The following SCOC variants were observed in gnomAD, a reference collection of about 807,000 sequenced individuals.
The protein encoded by SCOC is short coiled-coil protein.
SCOC carries 7 observed loss-of-function variants against 9.9 expected under a neutral mutation model. The observed-to-expected ratio is 0.71, with a 90% CI of 0.40 to 1.33. SCOC has a LOEUF of 1.33. Ranked by LOEUF, SCOC falls within the 40% of genes most tolerant of loss-of-function variation. SCOC has a pLI of 0.01. For synonymous variants in SCOC, 19 were observed against 28.2 expected, an observed-to-expected ratio of 0.67 and a Z score of 1.03; for missense variants, 66 against 89.7, an observed-to-expected ratio of 0.74 and a Z score of 1.07.
chr4:140,314,540 G>A (rs1732253915), intron 1 of SCOC: 1 of 152,254 alleles, frequency 6.6e-6, no homozygotes, highest in Non-Finnish European at 1.5e-5. Flanking sequence ...GGAGTATACT[G>A]GGAGCTACAT....
At chr4:140,347,061 G>C (rs937961789) in intron 2 of SCOC, among the ~76,000 whole-genome samples, 5 of 152,192 alleles carry the variant, frequency 3.3e-5, no homozygotes, top group Non-Finnish European at 5.9e-5. Flanking sequence ...TGAGAAGGCT[G>C]GAGAAGTTAT....
chr4:140,343,859 A>G, intron 2 of SCOC: 1 of 497,702 alleles, frequency 2.0e-6, no homozygotes, highest in Non-Finnish European at 3.5e-6. Flanking sequence ...GTTTTAATTA[A>G]GAGCTGTTTT....
chr4:140,343,731 C>T (rs907639245), intron 2 of SCOC: 4 of 1,532,654 alleles, frequency 2.6e-6, no homozygotes, highest in Non-Finnish European at 3.6e-6. Context: ...TGGATAACTT[C>T]TCAAACATAC....
intron 1 of SCOC, among the ~76,000 whole-genome samples, chr4:140,273,405 C>A (rs1730895037): frequency 6.6e-6 from 1 of 152,090 alleles, no homozygotes; most frequent in South Asian, 2.1e-4. Flanking sequence ...TATACATCTT[C>A]TTTGGAAAGA....
At chr4:140,362,314 T>TCTTCTTCTTCTTCTTCTTCTTCC (rs1727596376) in intron 2 of SCOC, among the ~76,000 whole-genome samples, 1 of 9,720 alleles carries the variant, frequency 1.0e-4, no homozygotes, top group Non-Finnish European at 2.5e-4. Flanking sequence ...TTTTTTTTTT[T>TCTTCTTCTTCTTCTTCTTCTTCC]TGTGAGAGTC....
At chr4:140,280,033 C>T (rs1578764875) in intron 1 of SCOC, among the ~76,000 whole-genome samples, 6 of 152,298 alleles carry the variant, frequency 3.9e-5, no homozygotes, top group Admixed American at 3.3e-4. Flanking sequence ...CTGGAAGTTG[C>T]ACATACTACT....
intron 1 of SCOC, among the ~76,000 whole-genome samples, chr4:140,281,067 G>A (rs981279433): frequency 2.0e-5 from 3 of 152,118 alleles, no homozygotes; most frequent in Non-Finnish European, 4.4e-5. Flanking sequence ...TCCTCAGCAC[G>A]TGGTCTGGGC....
intron 1 of SCOC, among the ~76,000 whole-genome samples, chr4:140,297,356 G>C (rs1731676499): frequency 6.6e-6 from 1 of 152,084 alleles, no homozygotes; most frequent in Non-Finnish European, 1.5e-5. Flanking sequence ...CACCTCCCCA[G>C]GAAGGGCGGC....
intron 2 of SCOC, among the ~76,000 whole-genome samples, chr4:140,350,427 C>A (rs1726928012): frequency 6.6e-6 from 1 of 152,216 alleles, no homozygotes; most frequent in African/African-American, 2.4e-5. Flanking sequence ...TTTAGGCAGG[C>A]CAGCCCCTAG....
chr4:140,268,195 T>C (rs1364055693), intron 1 of SCOC, among the ~76,000 whole-genome samples: 1 of 152,146 alleles, frequency 6.6e-6, no homozygotes, highest in East Asian at 1.9e-4. Flanking sequence ...TAACCAAGTG[T>C]TCTGGTGGGG....
Position 140,385,345 on chromosome 4 carries a change from G to A in SCOC, c.*4241G>A, listed in dbSNP as rs766218835. 3 of 152,218 alleles carry A rather than the reference G, an allele frequency of 2.0e-5. No individual in the cohort carries two copies. The highest frequency in any genetic ancestry group is 2.9e-5 in the Non-Finnish European group (2 of 68,046). 9.4% of individuals were successfully genotyped at this position (152,218 alleles called of 1,614,324 possible). On this transcript the variant is annotated 3_prime_UTR_variant, in exon 4 of 4. Coordinates refer to ENST00000608372, the MANE Select transcript of SCOC (RefSeq NM_001153484.2). ...TATATTAACATTTCTGTAGCAAAAT[G>A]AGTATTAAAGTAGGATAAAGAAAGA...
In SCOC at chr4:140,304,742, C is replaced by A. The variant is rs192497125; in HGVS notation, c.-18-38879C>A. On this transcript the variant is annotated intron_variant, in intron 1 of 4. Transcript: ENST00000394205. ...TTTGGGAAGGGGATAATATTAGGGG[C>A]ATTTTGGTGCAGTGTTCCCCATGAC... Among the ~76,000 whole-genome samples the A allele has an allele frequency of 1.9e-3, 285 of 152,282 alleles. 1 individual carries two copies. The highest frequency in any genetic ancestry group is 6.4e-3 in the African/African-American group (265 of 41,568).
At chr4:140,351,999 G>T (rs1221067277) in intron 2 of SCOC, among the ~76,000 whole-genome samples, 5 of 152,192 alleles carry the variant, frequency 3.3e-5, no homozygotes, top group Non-Finnish European at 2.9e-5. Flanking sequence ...AGCTTTGCTG[G>T]GTTACACTGG....
At chr4:140,264,445 C>T (rs1323448871) in intron 1 of SCOC, among the ~76,000 whole-genome samples, 1 of 152,138 alleles carries the variant, frequency 6.6e-6, no homozygotes, top group African/African-American at 2.4e-5. Context: ...AATAATTGTA[C>T]CTAGACCTTC....
At chr4:140,272,579 G>A (rs1261651521) in intron 1 of SCOC, among the ~76,000 whole-genome samples, 1 of 152,160 alleles carries the variant, frequency 6.6e-6, no homozygotes, top group Non-Finnish European at 1.5e-5. Flanking sequence ...AAGGGCAGAG[G>A]TATTTGTCTA....
At chr4:140,283,631 T>C (rs1209513557) in intron 1 of SCOC, 2 of 152,192 alleles carry the variant, frequency 1.3e-5, no homozygotes, top group Non-Finnish European at 2.9e-5. Flanking sequence ...TAAAACTGAA[T>C]GTGGAAAGAA....
At chr4:140,377,455 C>A (rs358310) in intron 1 of SCOC, among the ~76,000 whole-genome samples, 5,869 of 152,260 alleles carry the variant, frequency 0.039, 144 homozygotes, top group South Asian at 0.094. Context: ...GATAAGGGGA[C>A]AGATGCTAGA....
At chr4:140,344,873 G>C (rs781452927) in intron 2 of SCOC, among the ~76,000 whole-genome samples, 3 of 152,200 alleles carry the variant, frequency 2.0e-5, no homozygotes, top group Non-Finnish European at 4.4e-5. Flanking sequence ...CGTAGAGAAA[G>C]CTTGCTTGCT....
intron 2 of SCOC, among the ~76,000 whole-genome samples, chr4:140,350,717 G>A (rs545385222): frequency 6.6e-6 from 1 of 152,320 alleles, no homozygotes; most frequent in East Asian, 1.9e-4. Flanking sequence ...TGCCATCCCT[G>A]AGCCTCCATT....
Sources: allele counts gnomAD v4.1 joint callset (sites outside exome capture counted in the v4.1 genomes callset), GRCh38; gene constraint gnomAD v4.1.1; transcripts MANE v1.5; gene names NCBI Gene and HGNC (gene_info 2026-07-23, HGNC 2026-07-21).